Variants in ZNF550 observed in about 807,000 individuals in gnomAD.
ZNF550 encodes the protein zinc finger protein 550.
Under a neutral mutation model 40.2 loss-of-function variants are expected in ZNF550, and 42 were observed. The observed-to-expected ratio is 1.05, with a 90% CI of 0.82 to 1.35. ZNF550 has a LOEUF of 1.35. Among genes scored for constraint, ZNF550 ranks in the 40% most tolerant of loss-of-function variants. The pLI, the probability that ZNF550 is intolerant of heterozygous loss-of-function variation, is 0.00. For synonymous variants in ZNF550, 223 were observed against 198.6 expected (o/e 1.12, Z -1.03); for missense variants, 549 against 525.2 (o/e 1.05, Z -0.44).
At chr19:57,556,319 G>A in exon 2 of ZNF550, 1 of 1,614,042 alleles carries the variant, frequency 6.2e-7, no homozygotes, top group Non-Finnish European at 8.5e-7. Flanking sequence ...ACTCCTCCCG[G>A]GTAAAGGTCA....
At chr19:57,552,717 G>C (rs199862285) in exon 3 of ZNF550, 7 of 1,597,414 alleles carry the variant, frequency 4.4e-6, no homozygotes, top group Non-Finnish European at 5.9e-6. Context: ...TTGGGAACCC[G>C]ATGCCCTGTT....
chr19:57,547,232 T>G, exon 4 of ZNF550: 5 of 1,614,126 alleles, frequency 3.1e-6, no homozygotes, highest in Non-Finnish European at 3.4e-6. Flanking sequence ...TTCTCTCCAG[T>G]GTGGATGATG....
intron 4 of ZNF550, chr19:57,544,236 C>G: frequency 7.1e-6 from 7 of 985,402 alleles, no homozygotes; most frequent in Non-Finnish European, 8.4e-6. Context: ...GAGATTCTTG[C>G]CTATCACAGC....
At chr19:57,544,843 T>C (rs1332531154) in intron 4 of ZNF550, among the ~76,000 whole-genome samples, 1 of 152,182 alleles carries the variant, frequency 6.6e-6, no homozygotes, top group Non-Finnish European at 1.5e-5. Flanking sequence ...AGATTCAGGC[T>C]AAGTACAGTG....
intron 1 of ZNF550, 45 bp from the exon 2 acceptor site, chr19:57,556,402 C>G (rs7250705): frequency 0.11 from 176,139 of 1,584,652 alleles, 10,946 homozygotes; most frequent in East Asian, 0.22. Context: ...TGTGTTGTCG[C>G]ATAGGATCAG....
intron 3 of ZNF550, among the ~76,000 whole-genome samples, chr19:57,549,834 T>C (rs749184851): frequency 3.3e-5 from 5 of 152,166 alleles, no homozygotes; most frequent in Non-Finnish European, 5.9e-5. Flanking sequence ...GGAGGCACAA[T>C]GCATGGCAGA....
chr19:57,552,108 G>A (rs1050608940), intron 3 of ZNF550, among the ~76,000 whole-genome samples: 1 of 152,314 alleles, frequency 6.6e-6, no homozygotes, highest in African/African-American at 2.4e-5. Flanking sequence ...TATGGACCAG[G>A]AACTGAACTA....
intron 3 of ZNF550, among the ~76,000 whole-genome samples, chr19:57,550,665 A>G (rs897936267): frequency 6.6e-6 from 1 of 152,258 alleles, no homozygotes; most frequent in Non-Finnish European, 1.5e-5. Context: ...AGACAGGGTA[A>G]CAGAAACTGC....
chr19:57,547,514 A>G, exon 4 of ZNF550: 1 of 1,613,370 alleles, frequency 6.2e-7, no homozygotes, highest in Non-Finnish European at 8.5e-7. Flanking sequence ...ATGAGAGTTG[A>G]GCTCTGGCTA....
chr19:57,558,393 GGTA>G (rs1450670403), intron 1 of ZNF550, among the ~76,000 whole-genome samples: 1 of 152,198 alleles, frequency 6.6e-6, no homozygotes, highest in Non-Finnish European at 1.5e-5. Flanking sequence ...AGACCATGCT[GGTA>G]GGAGGGGGTG....
At chr19:57,544,670 C>A in intron 4 of ZNF550, 2 of 905,512 alleles carry the variant, frequency 2.2e-6, no homozygotes, top group Non-Finnish European at 2.6e-6. Context: ...AGGTACATGC[C>A]CACTATGAAA....
chr19:57,547,624 T>G, exon 4 of ZNF550: 1 of 1,614,226 alleles, frequency 6.2e-7, no homozygotes, highest in South Asian at 1.1e-5. Flanking sequence ...TTTCCCACAC[T>G]GCTTGCATTT....
At chr19:57,543,939 AAAAAC>A (rs1184050959) in intron 4 of ZNF550, 2 of 984,276 alleles carry the variant, frequency 2.0e-6, no homozygotes, top group Non-Finnish European at 2.4e-6. Flanking sequence ...ACTCTGTCTC[AAAAAC>A]AAAACAAAAA....
At chr19:57,543,727 A>G (rs969253757) in intron 4 of ZNF550, 84 of 621,084 alleles carry the variant, frequency 1.4e-4, no homozygotes, top group Middle Eastern at 8.0e-4. Context: ...CATGAGGTCA[A>G]GAGTTCAAGA....
Position 57,546,412 on chromosome 19 carries a change from C to G in ZNF550, c.*518+45G>C. 7.0e-6 allele frequency: 6 copies of G among 857,864 alleles called. No individual in the cohort carries two copies. In the South Asian group the frequency reaches 3.2e-4, roughly 46 times the overall value. 53.1% of individuals were successfully genotyped at this position (857,864 alleles called of 1,614,324 possible). On this transcript the variant is annotated intron_variant, in intron 4 of 4. Transcript: ENST00000457177. ...AACATTCCCCTACCAAAAAATAAAACTGATCTTACAGGGAAGTCTGTAAGG... is the reference window on the plus strand; with the variant it reads ...AACATTCCCCTACCAAAAAATAAAAGTGATCTTACAGGGAAGTCTGTAAGG...
At position 57,547,293 on chromosome 19, in the gene ZNF550, G is replaced by A. The variant is rs1175750980; in HGVS notation, c.951C>T (p.Cys317=). The change falls in exon 4 of 5, where the codon TGC becomes TGT. Residue 317 remains cysteine (C), a synonymous_variant. Transcript: ENST00000457177. ...TGCTAAAGGCTTTCTCACATTCTTT[G>A]CACTCAAAGGGCTTTTCTCCAGTGT... 1.9e-6 allele frequency: 3 copies of A among 1,613,936 alleles called. No homozygotes were observed. The African/African-American group carries it at 4.0e-5, about 22-fold the overall frequency.
intron 4 of ZNF550, chr19:57,544,412 C>T (rs2089989841): frequency 1.0e-6 from 1 of 985,428 alleles, no homozygotes; most frequent in Non-Finnish European, 1.2e-6. Flanking sequence ...CCTTTGATGA[C>T]AGCCAATATG....
chr19:57,546,661 G>C, exon 4 of ZNF550: 12 of 1,103,152 alleles, frequency 1.1e-5, no homozygotes, highest in Non-Finnish European at 1.2e-5. Context: ...GTTATATTTG[G>C]AATGTCTTTC....
At chr19:57,559,712 G>A in exon 1 of ZNF550, 1 of 1,464,650 alleles carries the variant, frequency 6.8e-7, no homozygotes, top group East Asian at 2.7e-5. Context: ...GGCCGCGTGG[G>A]GCAGCTCCCA....
Sources: gnomAD v4.1 joint callset for allele counts (sites outside exome capture counted in the v4.1 genomes callset) on GRCh38, gnomAD v4.1.1 for gene constraint, MANE v1.5 for transcripts, NCBI Gene and HGNC (gene_info 2026-07-23, HGNC 2026-07-21) for gene names.